The following CFAP206 variants were observed in gnomAD, a reference collection of about 807,000 sequenced individuals.
The protein encoded by CFAP206 is cilia and flagella associated protein 206.
A neutral mutation model predicts 65.4 loss-of-function variants in CFAP206; 53 were observed. The observed-to-expected ratio is 0.81, with a 90% confidence interval of 0.65 to 1.02. CFAP206 has a LOEUF of 1.02. Among genes scored for constraint, CFAP206 ranks in the 50% least tolerant of loss-of-function variants. The pLI, the probability that CFAP206 is intolerant of heterozygous loss-of-function variation, is 0.00. For synonymous variants in CFAP206, 250 were observed against 254.4 expected (o/e 0.98, Z 0.17); for missense variants, 663 against 753.2 (o/e 0.88, Z 1.40).
rs753228777 is a variant in CFAP206 at position 87,434,963 on chromosome 6, C to T, written c.1404C>T (p.Asp468=). Residue 468 remains aspartate (D), a synonymous_variant, in exon 11 of 13, where the codon GAC becomes GAT. Coordinates refer to ENST00000369562, the MANE Select transcript of CFAP206 (RefSeq NM_001031743.3). The part of the protein sequence containing the change: ...SFAENPEHYI[D]IVREKAKKNT... ...CAGAAAATCCTGAACATTATATTGA[C>T]ATAGTTAGAGAAAAGGCCAAAAAAA... The T allele has an allele frequency of 1.3e-5, 20 of 1,592,792 alleles. No individual in the cohort carries two copies. In the South Asian group the frequency reaches 2.2e-4, roughly 18 times the overall value.
chr6:87,409,935 G>A lies in CFAP206; in HGVS notation c.96G>A (p.Leu32=). The A allele has an allele frequency of 6.2e-7, 1 of 1,606,960 alleles. No individual in the cohort carries two copies. Among genetic ancestry groups the A allele is most frequent in the Non-Finnish European group, 8.5e-7 (1 of 1,174,896 alleles). The change falls in exon 2 of 13, where the codon CTG becomes CTA. Residue 32 remains leucine, a synonymous_variant. Coordinates refer to ENST00000369562, the MANE Select transcript of CFAP206 (RefSeq NM_001031743.3). The part of the protein sequence containing the change: ...AAHGEIVSET[L]IAFMVKAVVL... Reference sequence around the variant, plus strand: ...ATGGAGAGATTGTTTCTGAAACTCTGATTGCTTTTATGGTAAGAAGAAATA... The same window carrying A: ...ATGGAGAGATTGTTTCTGAAACTCTAATTGCTTTTATGGTAAGAAGAAATA...
chr6:87,415,587 A>G, intron 4 of CFAP206, 99 bp from the exon 5 acceptor site: 1 of 1,052,920 alleles, frequency 9.5e-7, no homozygotes, highest in Non-Finnish European at 1.5e-6. Flanking sequence ...TGTTTTCCTG[A>G]AGTAGAATTG....
At chr6:87,411,620 T>A (rs1383632316) in intron 3 of CFAP206, among the ~76,000 whole-genome samples, 1 of 152,240 alleles carries the variant, frequency 6.6e-6, no homozygotes, top group South Asian at 2.1e-4. Flanking sequence ...CCTAGGTTTT[T>A]TTCTGTTATT....
chr6:87,430,837 G>C (rs1582140590), intron 9 of CFAP206, among the ~76,000 whole-genome samples, 196 bp from the exon 10 acceptor site: 1 of 152,286 alleles, frequency 6.6e-6, no homozygotes, highest in East Asian at 1.9e-4. Context: ...GACGTTATAT[G>C]TCACTGAGGT....
At chr6:87,462,865 C>T (rs765701282) in intron 12 of CFAP206, among the ~76,000 whole-genome samples, 15 of 152,220 alleles carry the variant, frequency 9.9e-5, no homozygotes, top group Admixed American at 1.3e-4. Flanking sequence ...CAAGTGTCAC[C>T]TACCTAACCT....
At chr6:87,435,306 T>A (rs756589155) in intron 11 of CFAP206, 7 of 302,754 alleles carry the variant, frequency 2.3e-5, no homozygotes, top group Non-Finnish European at 4.3e-5. Context: ...TTCATTGACT[T>A]ATAAATAATT....
Position 87,412,214 on chromosome 6 carries a change from G to C in CFAP206, c.192+1546G>C, listed in dbSNP as rs181098731. ...TCTCAACTAAAAATCATGTGGATGA[G>C]CTATTTTTTTAAGTGTGCATTTTAG... On this transcript the variant is annotated intron_variant, in intron 3 of 12. Coordinates refer to ENST00000369562, the MANE Select transcript of CFAP206 (RefSeq NM_001031743.3). Among the ~76,000 whole-genome samples, 304 of 152,334 alleles carry C rather than the reference G, an allele frequency of 2.0e-3. 10 individuals are homozygous for C. In the East Asian group the frequency reaches 0.054, roughly 27 times the overall value.
At chr6:87,437,743 C>G (rs1283692070) in intron 11 of CFAP206, among the ~76,000 whole-genome samples, 1 of 151,580 alleles carries the variant, frequency 6.6e-6, no homozygotes, top group Non-Finnish European at 1.5e-5. Flanking sequence ...ACAGTGTTGA[C>G]CTCCTGGGTT....
At chr6:87,439,986 T>C (rs1010675237) in intron 11 of CFAP206, among the ~76,000 whole-genome samples, 1 of 152,176 alleles carries the variant, frequency 6.6e-6, no homozygotes. Flanking sequence ...TGTACTAGAA[T>C]CTTTACTTTT....
At position 87,418,290 on chromosome 6, in the gene CFAP206, C is replaced by CG. The variant is rs746056637; in HGVS notation, c.714_715insG (p.Arg239AlafsTer7). The CG allele has an allele frequency of 6.2e-7, 1 of 1,614,028 alleles. No homozygotes were observed. Among genetic ancestry groups the CG allele is most frequent in the African/African-American group, 1.3e-5 (1 of 74,900 alleles). On this transcript the variant is annotated frameshift_variant, in exon 7 of 13. Coordinates refer to ENST00000369562, the MANE Select transcript of CFAP206 (RefSeq NM_001031743.3). LOFTEE classifies it high-confidence loss of function. Reference sequence around the variant, plus strand: ...TTGAGACTGCCCGGAGCCAGGTATACCGCTACACAGCCATCCTTGAGAAGG... The same window carrying CG: ...TTGAGACTGCCCGGAGCCAGGTATACGCGCTACACAGCCATCCTTGAGAAGG...
At chr6:87,415,919 G>T in intron 5 of CFAP206, 45 bp downstream of exon 5, 2 of 1,302,796 alleles carry the variant, frequency 1.5e-6, no homozygotes, top group Non-Finnish European at 2.0e-6. Flanking sequence ...AAAATATATG[G>T]TCATTGTATT....
At chr6:87,409,121 G>A (rs1480298392) in intron 1 of CFAP206, among the ~76,000 whole-genome samples, 2 of 152,016 alleles carry the variant, frequency 1.3e-5, no homozygotes, top group East Asian at 3.9e-4. Flanking sequence ...GTACAGTTCT[G>A]AAGGGTCATT....
chr6:87,447,804 G>A (rs1253961453), intron 11 of CFAP206, among the ~76,000 whole-genome samples: 1 of 151,950 alleles, frequency 6.6e-6, no homozygotes, highest in East Asian at 1.9e-4. Flanking sequence ...AATCTGTCTG[G>A]TCCTGGGCTT....
chr6:87,425,857 T>G (rs1582138039), intron 7 of CFAP206: 1 of 156,798 alleles, frequency 6.4e-6, no homozygotes, highest in East Asian at 1.7e-4. Context: ...GCATTCATAG[T>G]AATCAAGTCT....
chr6:87,428,605 TA>T lies in CFAP206; in HGVS notation c.961-20del. 6.2e-7 allele frequency: 1 copy of T among 1,604,124 alleles called. No homozygotes were observed. Among genetic ancestry groups the T allele is most frequent in the African/African-American group, 1.3e-5 (1 of 74,818 alleles). On this transcript the variant is annotated intron_variant, in intron 8 of 12. Coordinates refer to ENST00000369562, the MANE Select transcript of CFAP206 (RefSeq NM_001031743.3). The stretch of plus-strand genomic sequence containing the variant: ...TTTTATTACACAGTTGCATTTTGAA[TA>T]TTTTTTTTCTCTTCCTCAGCCTATC...
At position 87,408,020 on chromosome 6, in the gene CFAP206, C is replaced by G. The variant is rs1447110692; in HGVS notation, c.-75C>G. 1.0e-6 allele frequency: 1 copy of G among 985,522 alleles called. No homozygotes were observed. The highest frequency in any genetic ancestry group is 1.7e-5 in the African/African-American group (1 of 57,242). The allele number at this position is 985,522 out of a possible 1,614,324, so 61.0% of individuals were successfully genotyped here. ...CGGTGGCTGCGAGCGCCCAACTGCTCCGACCGTCGCGGTGAGGGCCCCAGG... is the reference window on the plus strand; with the variant it reads ...CGGTGGCTGCGAGCGCCCAACTGCTGCGACCGTCGCGGTGAGGGCCCCAGG... On this transcript the variant is annotated 5_prime_UTR_variant, in exon 1 of 13. Transcript: ENST00000369562.
At chr6:87,459,855 T>C (rs1458626788) in intron 11 of CFAP206, among the ~76,000 whole-genome samples, 2 of 152,220 alleles carry the variant, frequency 1.3e-5, no homozygotes, top group Non-Finnish European at 2.9e-5. Context: ...TTTTTTCCTA[T>C]ACACCTGGTC....
chr6:87,431,813 C>G (rs1194366312), intron 10 of CFAP206, among the ~76,000 whole-genome samples: 1 of 152,060 alleles, frequency 6.6e-6, no homozygotes. Context: ...ATATATCTTC[C>G]AAAGTAATTA....
At chr6:87,449,669 T>C (rs1768508178) in intron 11 of CFAP206, among the ~76,000 whole-genome samples, 2 of 152,128 alleles carry the variant, frequency 1.3e-5, no homozygotes, top group South Asian at 4.1e-4. Flanking sequence ...AAAATTGGAT[T>C]ATTTGTTGTT....
Sources: allele counts gnomAD v4.1 joint callset (sites outside exome capture counted in the v4.1 genomes callset), GRCh38; gene constraint gnomAD v4.1.1; transcripts MANE v1.5; gene names NCBI Gene and HGNC (gene_info 2026-07-23, HGNC 2026-07-21).